The following STPG2 variants were observed in gnomAD, a reference collection of about 807,000 sequenced individuals.
The protein encoded by STPG2 is sperm tail PG-rich repeat containing 2.
Under a neutral mutation model 54.2 loss-of-function variants are expected in STPG2, and 56 were observed. The ratio of observed to expected loss-of-function variants is 1.03; its 90% CI spans 0.83 to 1.29. STPG2 has a LOEUF of 1.29. Among genes scored for constraint, STPG2 ranks in the 50% most tolerant of loss-of-function variants. STPG2 has a pLI of 0.00. For missense variants in STPG2, 596 were observed against 544.9 expected, an observed-to-expected ratio of 1.09 and a Z score of -0.93; for synonymous variants, 200 against 181.8, an observed-to-expected ratio of 1.10 and a Z score of -0.81.
chr4:97,961,470 A>C (rs935720368), intron 7 of STPG2, among the ~76,000 whole-genome samples: 5 of 152,124 alleles, frequency 3.3e-5, no homozygotes, highest in Admixed American at 6.5e-5. Context: ...CTGACAAAGG[A>C]CTAATATCCA....
intron 4 of STPG2, among the ~76,000 whole-genome samples, chr4:97,507,498 C>T (rs1730878821): frequency 6.6e-6 from 1 of 152,036 alleles, no homozygotes; most frequent in African/African-American, 2.4e-5. Flanking sequence ...AACTGCAATA[C>T]AATTCCAGCA....
At chr4:98,041,180 CA>C (rs1396048316) in intron 5 of STPG2, among the ~76,000 whole-genome samples, 1 of 151,708 alleles carries the variant, frequency 6.6e-6, no homozygotes, top group Non-Finnish European at 1.5e-5. Context: ...ACACTGATTT[CA>C]TATCTCGAAA....
At chr4:97,958,170 T>G (rs894469141) in intron 7 of STPG2, among the ~76,000 whole-genome samples, 1 of 151,602 alleles carries the variant, frequency 6.6e-6, no homozygotes, top group Non-Finnish European at 1.5e-5. Flanking sequence ...ATTAGCCAGG[T>G]GTGATGGTGA....
chr4:97,744,720 A>G (rs1056043632), intron 9 of STPG2, among the ~76,000 whole-genome samples: 1 of 151,374 alleles, frequency 6.6e-6, no homozygotes, highest in Non-Finnish European at 1.5e-5. Context: ...ATAATAAAAT[A>G]CAACAATGAT....
intron 9 of STPG2, among the ~76,000 whole-genome samples, chr4:97,778,090 G>A (rs1028859340): frequency 4.6e-5 from 7 of 152,144 alleles, no homozygotes; most frequent in African/African-American, 1.2e-4. Flanking sequence ...GCAGCCCACC[G>A]AGCATAAGCC....
chr4:97,620,905 T>TA (rs957075209), intron 10 of STPG2, among the ~76,000 whole-genome samples: 12 of 151,786 alleles, frequency 7.9e-5, no homozygotes, highest in Admixed American at 1.3e-4. Context: ...TCAACAAATT[T>TA]AAAAAAAACC....
chr4:97,904,365 G>A, intron 8 of STPG2, among the ~76,000 whole-genome samples: 1 of 152,066 alleles, frequency 6.6e-6, no homozygotes, highest in East Asian at 1.9e-4. Flanking sequence ...GGCTGGCCAG[G>A]TACTCCAACA....
intron 8 of STPG2, among the ~76,000 whole-genome samples, chr4:97,863,583 C>T (rs555426448): frequency 6.6e-6 from 1 of 152,282 alleles, no homozygotes; most frequent in Admixed American, 6.5e-5. Context: ...AGGGAATCCT[C>T]CCTAACTCAT....
At chr4:98,023,095 G>A (rs969510518) in intron 5 of STPG2, among the ~76,000 whole-genome samples, 1 of 152,120 alleles carries the variant, frequency 6.6e-6, no homozygotes, top group Non-Finnish European at 1.5e-5. Context: ...GAGGAGCTCT[G>A]CTTTTTTGAG....
chr4:97,708,144 T>A (rs1724007715), intron 10 of STPG2, among the ~76,000 whole-genome samples: 1 of 152,058 alleles, frequency 6.6e-6, no homozygotes, highest in East Asian at 1.9e-4. Context: ...GTGCAACTCA[T>A]CTAAAGCTAA....
At chr4:97,935,394 G>T (rs1732710912) in intron 8 of STPG2, among the ~76,000 whole-genome samples, 1 of 152,100 alleles carries the variant, frequency 6.6e-6, no homozygotes, top group Admixed American at 6.6e-5. Flanking sequence ...GTTCCAATCT[G>T]ATCTTAGTTA....
chr4:98,051,907 G>C (rs1047001171), intron 5 of STPG2, among the ~76,000 whole-genome samples: 1 of 151,948 alleles, frequency 6.6e-6, no homozygotes, highest in African/African-American at 2.4e-5. Flanking sequence ...GACCAACATG[G>C]TGAAACGCTG....
Position 98,031,839 on chromosome 4 carries a change from G to C in STPG2, c.613-50521C>G, listed in dbSNP as rs180816978. 1.7e-3 allele frequency among the ~76,000 whole-genome samples: 264 copies of C among 152,192 alleles called. 2 individuals are homozygous for C. Among genetic ancestry groups the C allele is most frequent in the African/African-American group, 5.5e-3 (227 of 41,530 alleles). ...ACAATTGACAGAGGACTAATATGCAGAATCTACAAAGAAAACAAACAAGTC... is the reference window on the plus strand; with the variant it reads ...ACAATTGACAGAGGACTAATATGCACAATCTACAAAGAAAACAAACAAGTC... On this transcript the variant is annotated intron_variant, in intron 5 of 10. Transcript: ENST00000295268.
intron 8 of STPG2, among the ~76,000 whole-genome samples, chr4:97,864,859 C>T (rs1173153878): frequency 1.4e-4 from 22 of 151,898 alleles, no homozygotes; most frequent in Admixed American, 6.6e-5. Flanking sequence ...CCCTATTCAA[C>T]AAATGGTGCT....
At chr4:98,117,526 C>T (rs1219613683) in intron 3 of STPG2, among the ~76,000 whole-genome samples, 3 of 151,920 alleles carry the variant, frequency 2.0e-5, no homozygotes, top group African/African-American at 7.3e-5. Flanking sequence ...TCCTCTTTCT[C>T]CTCCGCTTCT....
rs140806171 is a variant in STPG2, at chr4:97,805,945, G to T, written c.1204+34828C>A. ...CAGCCACTGTGGAAAGCAGTTTGGA[G>T]ATTTCTCAAAGAACTAAAATTAGCA... On this transcript the variant is annotated intron_variant, in intron 9 of 10. Transcript: ENST00000295268. 4.4e-3 allele frequency among the ~76,000 whole-genome samples: 667 copies of T among 152,214 alleles called. 5 individuals carry two copies. The highest frequency in any genetic ancestry group is 0.015 in the African/African-American group (636 of 41,522).
At chr4:97,613,155 A>G (rs1733772026) in intron 10 of STPG2, among the ~76,000 whole-genome samples, 1 of 152,030 alleles carries the variant, frequency 6.6e-6, no homozygotes, top group Admixed American at 6.6e-5. Context: ...TTTTCCACTA[A>G]TGTCCTCTTC....
At chr4:98,023,105 G>C (rs1212134009) in intron 5 of STPG2, among the ~76,000 whole-genome samples, 1 of 152,042 alleles carries the variant, frequency 6.6e-6, no homozygotes, top group Non-Finnish European at 1.5e-5. Flanking sequence ...GCTTTTTTGA[G>C]TTTCCAGTTT....
intron 4 of STPG2, among the ~76,000 whole-genome samples, chr4:97,468,954 T>A (rs923467287): frequency 1.1e-4 from 17 of 152,074 alleles, no homozygotes; most frequent in African/African-American, 4.1e-4. Context: ...CACACAGATA[T>A]AAAAACTACA....
Sources: allele counts gnomAD v4.1 joint callset (sites outside exome capture counted in the v4.1 genomes callset), GRCh38; gene constraint gnomAD v4.1.1; transcripts MANE v1.5; gene names NCBI Gene and HGNC (gene_info 2026-07-23, HGNC 2026-07-21).